PLEKHN1: variants seen among roughly 807,000 people sequenced by gnomAD.
PLEKHN1 encodes pleckstrin homology domain containing N1, also known as pleckstrin homology domain-containing family N member 1.
Under a neutral mutation model 72.8 loss-of-function variants are expected in PLEKHN1, and 68 were observed. The ratio of observed to expected loss-of-function variants is 0.93; its 90% CI spans 0.77 to 1.14. The LOEUF is 1.14. PLEKHN1 is among the 50% of genes most tolerant of loss of function. PLEKHN1 has a pLI of 0.00. For missense variants in PLEKHN1, 1,015 were observed against 840.5 expected, an observed-to-expected ratio of 1.21 and a Z score of -2.57; for synonymous variants, 454 against 371.6, an observed-to-expected ratio of 1.22 and a Z score of -2.55.
chr1:971,997 G>A (rs1643355235), intron 8 of PLEKHN1, 78 bp from the exon 9 acceptor site: 8 of 1,384,290 alleles, frequency 5.8e-6, no homozygotes, highest in South Asian at 2.5e-5. Context: ...GCTCTGGAGG[G>A]CAAGAGGGTG....
rs780834850 is a variant in PLEKHN1, at chr1:972,928, C to T, written c.1070C>T (p.Ala357Val). The change falls in exon 11 of 16, where the codon GCG (alanine) becomes GTG (valine). Residue 357 changes from alanine (A) to valine (V), a missense_variant. Transcript: ENST00000379410. ...ACCAGCTGGGACTCGGGGTGCTTGG[C>T]GCCCCCCTCCACCCGCACCAGCCAC... ...GQTSWDSGCL[A>V]PPSTRTSHSL... The T allele has an allele frequency of 9.0e-6, 14 of 1,561,350 alleles. No homozygotes were observed. The highest frequency in any genetic ancestry group is 7.0e-5 in the South Asian group (6 of 85,350).
intron 14 of PLEKHN1, 79 bp from the exon 15 acceptor site, chr1:974,237 G>A: frequency 6.3e-7 from 1 of 1,595,488 alleles, no homozygotes; most frequent in East Asian, 2.2e-5. Flanking sequence ...GACATGGGGG[G>A]CTGCACAGTG....
rs1643535853 is a variant in PLEKHN1 at position 974,927 on chromosome 1, G to A, written c.*352G>A. The A allele has an allele frequency of 3.2e-6, 1 of 311,698 alleles. No individual in the cohort carries two copies. The highest frequency in any genetic ancestry group is 6.1e-6 in the Non-Finnish European group (1 of 164,164). 19.3% of individuals were successfully genotyped at this position (311,698 alleles called of 1,614,324 possible). A position where few individuals can be genotyped will look rare whatever the true frequency, so the allele number is the denominator to read the frequency against. On this transcript the variant is annotated 3_prime_UTR_variant, in exon 16 of 16. Coordinates refer to ENST00000379410, the MANE Select transcript of PLEKHN1 (RefSeq NM_032129.3). Reference sequence around the variant, plus strand: ...GCACGGGCGTGAAGGTCGGAGGACAGAGAAAGGTCAGCAGGGTCAGAGTAT... The same window carrying A: ...GCACGGGCGTGAAGGTCGGAGGACAAAGAAAGGTCAGCAGGGTCAGAGTAT...
At chr1:973,434 A>G in intron 12 of PLEKHN1, 66 bp from the exon 13 acceptor site, 1 of 1,588,802 alleles carries the variant, frequency 6.3e-7, no homozygotes, top group East Asian at 2.2e-5. Context: ...GGCCTCTTGC[A>G]CAGAGAAGGG....
chr1:969,882 T>G (rs529135927), intron 2 of PLEKHN1, among the ~76,000 whole-genome samples: 1 of 152,240 alleles, frequency 6.6e-6, no homozygotes, highest in Non-Finnish European at 1.5e-5. Context: ...TGTACACGAA[T>G]ATGCATGTAT....
At position 975,824 on chromosome 1, in the gene PLEKHN1, TCA is replaced by T. The variant is rs1643580160; in HGVS notation, c.*1250_*1251del. 7.7e-6 allele frequency: 2 copies of T among 258,172 alleles called. No homozygotes were observed. The highest frequency in any genetic ancestry group is 5.1e-5 in the Admixed American group (1 of 19,734). 16.0% of individuals were successfully genotyped at this position (258,172 alleles called of 1,614,324 possible). A position where few individuals can be genotyped will look rare whatever the true frequency, so the allele number is the denominator to read the frequency against. ...ACGCAGGGTGCGGTTGCATTTGATT[TCA>T]GATAAACAACAACTTCTTAGTAAAA... On this transcript the variant is annotated 3_prime_UTR_variant, in exon 16 of 16. Coordinates refer to ENST00000379410, the MANE Select transcript of PLEKHN1 (RefSeq NM_032129.3).
intron 11 of PLEKHN1, 55 bp from the exon 12 acceptor site, chr1:973,131 G>A: frequency 6.7e-7 from 1 of 1,497,098 alleles, no homozygotes; most frequent in Admixed American, 2.1e-5. Context: ...GCCTCAGAGA[G>A]TTGCACGGGA....
rs1557648322 is a variant in PLEKHN1, at chr1:971,176, T to TCGAG, written c.677_680dup (p.Arg227SerfsTer63). The TCGAG allele has an allele frequency of 6.3e-7, 1 of 1,595,874 alleles. No homozygotes were observed. Among genetic ancestry groups the TCGAG allele is most frequent in the East Asian group, 2.3e-5 (1 of 44,068 alleles). On this transcript the variant is annotated frameshift_variant, in exon 7 of 16. Coordinates refer to ENST00000379410, the MANE Select transcript of PLEKHN1 (RefSeq NM_032129.3). LOFTEE classifies it high-confidence loss of function. ...ACCCGGCGGCAGTGCTGTCTGTGCC[T>TCGAG]CGAGGGTCAAGCTGCAGCACCTGCC...
At position 973,211 on chromosome 1, in the gene PLEKHN1, G is replaced by C; in HGVS notation, c.1178G>C (p.Ser393Thr). The C allele has an allele frequency of 6.5e-7, 1 of 1,538,466 alleles. No individual in the cohort carries two copies. The highest frequency in any genetic ancestry group is 1.7e-4 in the Middle Eastern group (1 of 5,904). Residue 393 changes from serine to threonine, a missense_variant, in exon 12 of 16, where the codon AGC becomes ACC. By Grantham distance (58) the Ser-to-Thr change is moderately conservative. Coordinates refer to ENST00000379410, the MANE Select transcript of PLEKHN1 (RefSeq NM_032129.3). ...GACCAGGCCAACTCTGACCGTGCCA[G>C]CATTGGCCGACGGAGGACCGAGCTG... Reference protein sequence around the residue: ...TPDQANSDRASIGRRRTELRR... With the variant: ...TPDQANSDRATIGRRRTELRR...
At chr1:966,916 C>T in intron 2 of PLEKHN1, 113 bp downstream of exon 2, 1 of 1,192,172 alleles carries the variant, frequency 8.4e-7, no homozygotes, top group African/African-American at 1.6e-5. Flanking sequence ...GCGTTCAGAC[C>T]CCGGTAGGTG....
chr1:966,887 T>G (rs1255575231), intron 2 of PLEKHN1, 84 bp downstream of exon 2: 10 of 1,410,832 alleles, frequency 7.1e-6, no homozygotes, highest in Non-Finnish European at 7.6e-6. Flanking sequence ...CAGCTCAGGG[T>G]CTTCCCCTCG....
intron 2 of PLEKHN1, among the ~76,000 whole-genome samples, chr1:968,947 C>T (rs1004206051): frequency 3.9e-5 from 6 of 152,146 alleles, no homozygotes; most frequent in South Asian, 2.1e-4. Context: ...GTGAGGCATA[C>T]GGAGCGGCCA....
chr1:970,678 C>T lies in PLEKHN1; in HGVS notation c.412-8C>T, dbSNP rs760840972. 10 of 1,596,076 alleles carry T rather than the reference C, an allele frequency of 6.3e-6. No individual in the cohort carries two copies. In the African/African-American group the frequency reaches 9.4e-5, roughly 15 times the overall value. Reference sequence around the variant, plus strand: ...TCCCTGAAGCTCCTCCTACCCTGTGCCTGGCAGGGGCTGTTACCGCTGACG... The same window carrying T: ...TCCCTGAAGCTCCTCCTACCCTGTGTCTGGCAGGGGCTGTTACCGCTGACG... On this transcript the variant is annotated splice_polypyrimidine_tract_variant and splice_region_variant and intron_variant, in intron 4 of 15. Coordinates refer to ENST00000379410, the MANE Select transcript of PLEKHN1 (RefSeq NM_032129.3). The surrounding 1 kb of genome is among the most constrained non-coding windows in gnomAD (Gnocchi z 4.2).
Position 971,384 on chromosome 1 carries a change from C to G in PLEKHN1, c.769C>G (p.Leu257Val). The change falls in exon 8 of 16, where the codon CTG becomes GTG. Residue 257 changes from leucine (L) to valine (V), a missense_variant. Transcript: ENST00000379410. ...PTSLAIFSEE[L>V]DGLCFKGELP... is the part of the protein sequence containing the mutation. ...GTCCTTGGCCATTTTCTCCGAGGAG[C>G]TGGACGGGCTTTGCTTCAAGGTGGG... 1 of 1,587,420 alleles carries G rather than the reference C, an allele frequency of 6.3e-7. No homozygotes were observed. The highest frequency in any genetic ancestry group is 1.1e-5 in the South Asian group (1 of 87,316).
chr1:969,469 AGTGTGCAT>A (rs761333835), intron 2 of PLEKHN1, among the ~76,000 whole-genome samples: 11 of 151,730 alleles, frequency 7.2e-5, no homozygotes, highest in African/African-American at 9.7e-5. Flanking sequence ...GCATGTATGC[AGTGTGCAT>A]GTGTGCATGC....
In PLEKHN1 at chr1:970,228, G is replaced by T. The variant is rs770396126; in HGVS notation, c.184-49G>T. ...TAGCTGTGTGGATGCGAGCGGAGGG[G>T]GTGGGGGGCCCAGGGGAGGCCCCCT... is the stretch of plus-strand genomic sequence containing the variant. On this transcript the variant is annotated intron_variant, in intron 2 of 15. Transcript: ENST00000379410. The surrounding 1 kb of genome is among the most constrained non-coding windows in gnomAD (Gnocchi z 4.2). 10 of 1,595,894 alleles carry T rather than the reference G, an allele frequency of 6.3e-6. No individual in the cohort carries two copies. Among genetic ancestry groups the T allele is most frequent in the Non-Finnish European group, 8.5e-6 (10 of 1,170,074 alleles).
rs1643006761 is a variant in PLEKHN1, at chr1:966,763, A to G, written c.143A>G (p.Asp48Gly). 6.4e-7 allele frequency: 1 copy of G among 1,572,564 alleles called. No homozygotes were observed. The highest frequency in any genetic ancestry group is 1.4e-5 in the African/African-American group (1 of 73,902). ...LPGPEAARSG[D>G]AAANKLFHYI... is the part of the protein sequence containing the mutation. Reference sequence around the variant, plus strand: ...GGCCCCGAGGCTGCTCGAAGCGGGGACGCCGCCGCCAACAAGCTCTTCCAC... The same window carrying G: ...GGCCCCGAGGCTGCTCGAAGCGGGGGCGCCGCCGCCAACAAGCTCTTCCAC... Residue 48 changes from aspartate (D) to glycine (G), a missense_variant, in exon 2 of 16, where the codon GAC becomes GGC. Coordinates refer to ENST00000379410, the MANE Select transcript of PLEKHN1 (RefSeq NM_032129.3).
intron 2 of PLEKHN1, among the ~76,000 whole-genome samples, chr1:969,272 C>A (rs1464637578): frequency 6.6e-6 from 1 of 152,262 alleles, no homozygotes; most frequent in African/African-American, 2.4e-5. Flanking sequence ...GAGTCCAGAT[C>A]TCACCATCTC....
At position 971,217 on chromosome 1, in the gene PLEKHN1, G is replaced by A; in HGVS notation, c.708+9G>A. 6.4e-7 allele frequency: 1 copy of A among 1,570,014 alleles called. No individual in the cohort carries two copies. Among genetic ancestry groups the A allele is most frequent in the African/African-American group, 1.3e-5 (1 of 74,138 alleles). Reference sequence around the variant, plus strand: ...AGCACCTGCCCGCACAGGTGGGTGGGAGGTGCGTGGGGCTGTAGGGGGATG... The same window carrying A: ...AGCACCTGCCCGCACAGGTGGGTGGAAGGTGCGTGGGGCTGTAGGGGGATG... On this transcript the variant is annotated intron_variant, in intron 7 of 15. Coordinates refer to ENST00000379410, the MANE Select transcript of PLEKHN1 (RefSeq NM_032129.3).
Sources: gnomAD v4.1 joint callset for allele counts (sites outside exome capture counted in the v4.1 genomes callset) on GRCh38, gnomAD v4.1.1 for gene constraint, Gnocchi (gnomAD v3.1) non-coding constraint, MANE v1.5 for transcripts, NCBI Gene and HGNC (gene_info 2026-07-23, HGNC 2026-07-21) for gene names.